PHRF1: variants seen among roughly 807,000 people sequenced by gnomAD.
PHRF1 encodes PHD and ring finger domains 1, also known as PHD and RING finger domain-containing protein 1.
Under a neutral mutation model 128.9 loss-of-function variants are expected in PHRF1, and 53 were observed. That is an observed-to-expected ratio of 0.41 (90% CI 0.33 to 0.52). PHRF1 has a LOEUF of 0.52. PHRF1 is among the 20% of genes least tolerant of loss of function. The pLI is 0.21. For missense variants in PHRF1, 2,503 were observed against 2,284.5 expected (o/e 1.10, Z -1.95); for synonymous variants, 1,178 against 980.6 (o/e 1.20, Z -3.76).
In PHRF1 at chr11:608,461, G is replaced by A; in HGVS notation, c.3005G>A (p.Arg1002Lys). 2 of 1,612,538 alleles carry A rather than the reference G, an allele frequency of 1.2e-6. No homozygotes were observed. The highest frequency in any genetic ancestry group is 2.2e-5 in the South Asian group (2 of 91,076). ...CGCTCCACATCCAGCTCCCGCAGCA[G>A]GAAGAAGGCCAAGAGGAAGAGGGTG... Reference protein sequence around the residue: ...RSRSTSSSRSRKKAKRKRVSR... With the variant: ...RSRSTSSSRSKKKAKRKRVSR... Residue 1002 changes from arginine to lysine, a missense_variant, in exon 14 of 18, where the codon AGG (arginine) becomes AAG (lysine). By Grantham distance (26) the Arg-to-Lys change is conservative. Transcript: ENST00000264555.
Position 610,299 on chromosome 11 carries a change from C to T in PHRF1, c.4368C>T (p.Pro1456=). The change falls in exon 15 of 18, where the codon CCC becomes CCT. Residue 1456 remains proline, a synonymous_variant. Coordinates refer to ENST00000264555, the MANE Select transcript of PHRF1 (RefSeq NM_001286581.2). ...AGGTGTTCTCCGAGCTGCCCTTTCC[C>T]AGTCACGTGCTTCCGGAACCCGGGT... ...VRQVFSELPF[P]SHVLPEPGFP... is the part of the protein sequence containing the mutation. 1 of 1,564,510 alleles carries T rather than the reference C, an allele frequency of 6.4e-7. No individual in the cohort carries two copies. The highest frequency in any genetic ancestry group is 8.7e-7 in the Non-Finnish European group (1 of 1,154,624).
Position 596,907 on chromosome 11 carries a change from C to T in PHRF1, c.621-16C>T, listed in dbSNP as rs199667414. On this transcript the variant is annotated splice_polypyrimidine_tract_variant and intron_variant, in intron 6 of 17. Coordinates refer to ENST00000264555, the MANE Select transcript of PHRF1 (RefSeq NM_001286581.2). ...TGAGCAGCACCCGGATGCTTTGGCC[C>T]TGCTCTCTCCTGTAGGTACCACATG... The T allele has an allele frequency of 1.2e-6, 2 of 1,611,952 alleles. No homozygotes were observed. Among genetic ancestry groups the T allele is most frequent in the Admixed American group, 1.7e-5 (1 of 59,988 alleles).
Position 609,715 on chromosome 11 carries a change from C to T in PHRF1, c.4259C>T (p.Ala1420Val), listed in dbSNP as rs887677196. 16 of 1,486,908 alleles carry T rather than the reference C, an allele frequency of 1.1e-5. No individual in the cohort carries two copies. The African/African-American group carries it at 1.3e-4, about 12-fold the overall frequency. 92.1% of individuals were successfully genotyped at this position (1,486,908 alleles called of 1,614,324 possible). A position where few individuals can be genotyped will look rare whatever the true frequency, so the allele number is the denominator to read the frequency against. The change falls in exon 14 of 18, where the codon GCC becomes GTC. Residue 1420 changes from alanine to valine, a missense_variant. Coordinates refer to ENST00000264555, the MANE Select transcript of PHRF1 (RefSeq NM_001286581.2). The stretch of plus-strand genomic sequence containing the variant: ...AGCAGCGCCCCCGCCGAGGACAGAG[C>T]CCCCCGTGAGTAGTGCCCCGGCCCC... ...SESSAPAEDR[A>V]PRAPLHRPQK...
chr11:606,874 G>A (rs927432250), intron 13 of PHRF1, 192 bp from the exon 14 acceptor site: 8 of 1,029,862 alleles, frequency 7.8e-6, no homozygotes, highest in South Asian at 1.7e-5. Context: ...CTCAGGCACT[G>A]TACTTTGTCA....
rs1199118826 is a variant in PHRF1 at position 598,385 on chromosome 11, C to T, written c.907C>T (p.Arg303Cys). Reference protein sequence around the residue: ...TARRVQHTPGRLGSSLLDEAI... With the variant: ...TARRVQHTPGCLGSSLLDEAI... ...CCTTTGCCTGTAGCACACACCAGGG[C>T]GCCTCGGGTCTTCCCTGCTGGATGA... The change falls in exon 9 of 18, where the codon CGC becomes TGC. Residue 303 changes from arginine to cysteine, a missense_variant. Arg to Cys is a radical substitution (Grantham distance 180, BLOSUM62 -3). Coordinates refer to ENST00000264555, the MANE Select transcript of PHRF1 (RefSeq NM_001286581.2). The T allele has an allele frequency of 2.4e-5, 39 of 1,609,302 alleles. No homozygotes were observed. The highest frequency in any genetic ancestry group is 3.0e-5 in the Non-Finnish European group (35 of 1,179,720).
rs754994881 is a variant in PHRF1 at position 607,902 on chromosome 11, C to A, written c.2446C>A (p.Leu816Ile). Reference protein sequence around the residue: ...KEQRKENPSPLFSIKKTKQLR... With the variant: ...KEQRKENPSPIFSIKKTKQLR... The stretch of plus-strand genomic sequence containing the variant: ...GCAGAGGAAGGAGAACCCCTCACCC[C>A]TCTTCTCCATCAAGAAGACGAAGCA... The change falls in exon 14 of 18, where the codon CTC becomes ATC. Residue 816 changes from leucine (L) to isoleucine (I), a missense_variant. Leu to Ile is a conservative substitution (Grantham distance 5). Coordinates refer to ENST00000264555, the MANE Select transcript of PHRF1 (RefSeq NM_001286581.2). The A allele has an allele frequency of 6.2e-7, 1 of 1,612,722 alleles. No homozygotes were observed. The highest frequency in any genetic ancestry group is 8.5e-7 in the Non-Finnish European group (1 of 1,179,884).
chr11:603,843 T>C (rs1172419010), intron 10 of PHRF1, among the ~76,000 whole-genome samples: 1 of 144,908 alleles, frequency 6.9e-6, no homozygotes, highest in Non-Finnish European at 1.5e-5. Context: ...GCTGGGATCA[T>C]AGGTGTGTGC....
At chr11:588,537 G>A (rs913484298) in intron 4 of PHRF1, among the ~76,000 whole-genome samples, 5 of 151,960 alleles carry the variant, frequency 3.3e-5, no homozygotes, top group East Asian at 1.9e-4. Flanking sequence ...CCACCACCAC[G>A]CCAGGGCAAT....
At chr11:598,710 TTG>T (rs1855453461) in intron 9 of PHRF1, among the ~76,000 whole-genome samples, 1 of 152,218 alleles carries the variant, frequency 6.6e-6, no homozygotes. Flanking sequence ...GCCTCTGGCA[TTG>T]TGTCAGGGTG....
intron 5 of PHRF1, 48 bp downstream of exon 5, chr11:591,515 G>A (rs1418223700): frequency 1.4e-6 from 2 of 1,471,964 alleles, no homozygotes; most frequent in African/African-American, 2.9e-5. Context: ...TTCTATCCCG[G>A]CCCTGTGGGA....
At chr11:593,969 C>G (rs1158314139) in intron 6 of PHRF1, among the ~76,000 whole-genome samples, 1 of 152,232 alleles carries the variant, frequency 6.6e-6, no homozygotes, top group African/African-American at 2.4e-5. Flanking sequence ...CCCCGGCAGG[C>G]ACTGAGTTGG....
intron 3 of PHRF1, among the ~76,000 whole-genome samples, chr11:584,521 G>C: frequency 6.6e-6 from 1 of 152,054 alleles, no homozygotes; most frequent in Non-Finnish European, 1.5e-5. Flanking sequence ...GGTGGGGAGA[G>C]GCTTCTGGAG....
chr11:594,275 G>A (rs984994022), intron 6 of PHRF1, among the ~76,000 whole-genome samples: 1 of 152,164 alleles, frequency 6.6e-6, no homozygotes, highest in African/African-American at 2.4e-5. Flanking sequence ...TGGCATGATA[G>A]ACCTGGTCCT....
rs1034657338 is a variant in PHRF1, at chr11:608,009, C to T, written c.2553C>T (p.Gly851=). The change falls in exon 14 of 18, where the codon GGC becomes GGT. Residue 851 remains glycine, a synonymous_variant. Coordinates refer to ENST00000264555, the MANE Select transcript of PHRF1 (RefSeq NM_001286581.2). ...CTGGCAGCAGCCCCGAGAGGTCTGGCCCCGGCCTCCTGCCCTCTGAGATCA... is the reference window on the plus strand; with the variant it reads ...CTGGCAGCAGCCCCGAGAGGTCTGGTCCCGGCCTCCTGCCCTCTGAGATCA... The part of the protein sequence containing the change: ...SAPGSSPERS[G]PGLLPSEITR... 1.6e-5 allele frequency: 25 copies of T among 1,611,088 alleles called. No individual in the cohort carries two copies. Among genetic ancestry groups the T allele is most frequent in the East Asian group, 2.2e-5 (1 of 44,892 alleles).
Position 612,145 on chromosome 11 carries a change from C to T in PHRF1, c.*368C>T, listed in dbSNP as rs180963984. 1 of 339,750 alleles carries T rather than the reference C, an allele frequency of 2.9e-6. No individual in the cohort carries two copies. Among genetic ancestry groups the T allele is most frequent in the South Asian group, 5.1e-5 (1 of 19,480 alleles). 21.0% of individuals were successfully genotyped at this position (339,750 alleles called of 1,614,324 possible). A position where few individuals can be genotyped will look rare whatever the true frequency, so the allele number is the denominator to read the frequency against. ...GTGGGGTGGCGCGTCCTTGATAAATCTCTAGGTGGCCTCCCGCCAACAGCT... is the reference window on the plus strand; with the variant it reads ...GTGGGGTGGCGCGTCCTTGATAAATTTCTAGGTGGCCTCCCGCCAACAGCT... On this transcript the variant is annotated 3_prime_UTR_variant, in exon 18 of 18. Transcript: ENST00000264555.
chr11:592,701 G>A (rs1304309437), intron 6 of PHRF1, 27 bp downstream of exon 6: 6 of 1,610,006 alleles, frequency 3.7e-6, no homozygotes, highest in Non-Finnish European at 5.1e-6. Context: ...ACTGGCACAC[G>A]TGCCCTGCTG....
chr11:597,300 C>T lies in PHRF1; in HGVS notation c.719-95C>T, dbSNP rs1855345220. On this transcript the variant is annotated intron_variant, in intron 7 of 17. Transcript: ENST00000264555. This position sits in a 1 kb window ranked among gnomAD's most constrained non-coding sequence, Gnocchi z 6.5. The stretch of plus-strand genomic sequence containing the variant: ...GTCCTGTGCACAGGTCAGCCCGAGC[C>T]AGGGCTGCTACTTGGCCGGCAGCCA... 3 of 1,465,812 alleles carry T rather than the reference C, an allele frequency of 2.0e-6. No individual in the cohort carries two copies. Among genetic ancestry groups the T allele is most frequent in the Non-Finnish European group, 2.8e-6 (3 of 1,085,398 alleles). The allele number at this position is 1,465,812 out of a possible 1,614,324, so 90.8% of individuals were successfully genotyped here. A position where few individuals can be genotyped will look rare whatever the true frequency, so the allele number is the denominator to read the frequency against.
Position 609,118 on chromosome 11 carries a change from C to T in PHRF1, c.3662C>T (p.Pro1221Leu), listed in dbSNP as rs1391214911. 1 of 1,605,580 alleles carries T rather than the reference C, an allele frequency of 6.2e-7. No homozygotes were observed. The highest frequency in any genetic ancestry group is 1.7e-5 in the Admixed American group (1 of 59,886). ...PGREDLPTRL[P>L]ALGEAHVSPE... The stretch of plus-strand genomic sequence containing the variant: ...CGGGAAGACCTCCCCACCAGGTTGC[C>T]AGCCTTGGGGGAAGCACATGTCTCG... The change falls in exon 14 of 18, where the codon CCA (proline) becomes CTA (leucine). Residue 1221 changes from proline (P) to leucine (L), a missense_variant. Transcript: ENST00000264555.
At chr11:610,792 G>A (rs200814156) in intron 16 of PHRF1, 31 bp downstream of exon 16, 663 of 1,593,416 alleles carry the variant, frequency 4.2e-4, no homozygotes, top group Non-Finnish European at 5.2e-4. Flanking sequence ...CTTTCCCCAT[G>A]TTCCCATCTT....
Sources: allele counts gnomAD v4.1 joint callset (sites outside exome capture counted in the v4.1 genomes callset), GRCh38; gene constraint gnomAD v4.1.1; non-coding constraint Gnocchi (gnomAD v3.1); transcripts MANE v1.5; gene names NCBI Gene and HGNC (gene_info 2026-07-23, HGNC 2026-07-21).